The following NCOA2 variants were observed in gnomAD, a reference collection of about 807,000 sequenced individuals.
NCOA2 encodes the protein nuclear receptor coactivator 2.
NCOA2 carries 21 observed loss-of-function variants against 145.1 expected under a neutral mutation model. The ratio of observed to expected loss-of-function variants is 0.14; its 90% CI spans 0.10 to 0.21. NCOA2 has a LOEUF of 0.21. NCOA2 is among the 10% of genes least tolerant of loss of function. The probability of loss-of-function intolerance (pLI) is 1.00; values close to 1 mark genes in which losing one functional copy is unlikely to be tolerated. For missense variants in NCOA2, 1,472 were observed against 1,837.6 expected (o/e 0.80, Z 3.64); for synonymous variants, 619 against 637.5 (o/e 0.97, Z 0.44).
chr8:70,256,584 G>A (rs377039299), intron 2 of NCOA2, among the ~76,000 whole-genome samples: 367 of 152,160 alleles, frequency 2.4e-3, no homozygotes, highest in Middle Eastern at 0.017. Flanking sequence ...AAGCAATAAA[G>A]GCATACTATT....
chr8:70,170,093 C>G, intron 6 of NCOA2, 109 bp downstream of exon 6: 1 of 1,057,664 alleles, frequency 9.5e-7, no homozygotes, highest in South Asian at 1.6e-5. Context: ...TCCTCCCCAT[C>G]TGATATAATA....
chr8:70,327,148 C>T (rs1383140210), intron 1 of NCOA2, among the ~76,000 whole-genome samples: 1 of 152,158 alleles, frequency 6.6e-6, no homozygotes, highest in East Asian at 1.9e-4. Context: ...CATCACTTTC[C>T]TTAAAACATA....
At chr8:70,309,128 G>A (rs549492055) in intron 1 of NCOA2, among the ~76,000 whole-genome samples, 2 of 152,058 alleles carry the variant, frequency 1.3e-5, no homozygotes, top group East Asian at 3.9e-4. Context: ...ATGTGGAAAA[G>A]CCATATGAAA....
intron 2 of NCOA2, among the ~76,000 whole-genome samples, chr8:70,263,739 C>A (rs1434731493): frequency 2.0e-5 from 3 of 149,662 alleles, no homozygotes; most frequent in East Asian, 2.0e-4. Flanking sequence ...AAAAAAAAAA[C>A]AAACAAACAA....
chr8:70,223,077 C>T (rs1384154243), intron 2 of NCOA2, among the ~76,000 whole-genome samples: 1 of 152,154 alleles, frequency 6.6e-6, no homozygotes, highest in African/African-American at 2.4e-5. Flanking sequence ...AGCTGCATTC[C>T]TTGCATAACG....
In NCOA2 at chr8:70,128,886, T is replaced by A; in HGVS notation, c.3419A>T (p.Gln1140Leu). Residue 1140 changes from glutamine to leucine, a missense_variant, in exon 17 of 23, where the codon CAG (glutamine) becomes CTG (leucine). By Grantham distance (113) the Gln-to-Leu change is moderately radical. This residue lies in a region of NCOA2 where 953 missense variants were observed against 1,062.1 expected (regional missense o/e 0.90). Coordinates refer to ENST00000452400, the MANE Select transcript of NCOA2 (RefSeq NM_006540.4). ...ATAGCTACCCTGGGCCATTTGTGCC[T>A]GAGATGCATACTGCTGTGGGAAAAC... ...APVFPQQYAS[Q>L]AQMAQGSYSP... 1 of 1,613,822 alleles carries A rather than the reference T, an allele frequency of 6.2e-7. No homozygotes were observed. The highest frequency in any genetic ancestry group is 1.7e-5 in the Admixed American group (1 of 60,000).
intron 1 of NCOA2, among the ~76,000 whole-genome samples, chr8:70,373,834 G>A (rs1026861621): frequency 2.6e-5 from 4 of 152,126 alleles, no homozygotes; most frequent in African/African-American, 9.7e-5. Flanking sequence ...GGGTCTATTT[G>A]AGGGCTATAT....
intron 2 of NCOA2, among the ~76,000 whole-genome samples, chr8:70,296,067 T>G (rs1463021540): frequency 6.6e-6 from 1 of 152,240 alleles, no homozygotes; most frequent in Non-Finnish European, 1.5e-5. Context: ...CAAACGTTTA[T>G]TTAGTCTTTA....
At chr8:70,454,226 T>C in the NCOA2 span, among the ~76,000 whole-genome samples, 1 of 152,230 alleles carries the variant, frequency 6.6e-6, no homozygotes, top group African/African-American at 2.4e-5. Context: ...ATACTCTATA[T>C]TTAGCATCAA....
intron 4 of NCOA2, among the ~76,000 whole-genome samples, chr8:70,182,239 A>C (rs1815567308): frequency 6.6e-6 from 1 of 152,244 alleles, no homozygotes; most frequent in Non-Finnish European, 1.5e-5. Flanking sequence ...CTAAGCCGCA[A>C]GTTGCCTCCC....
chr8:70,139,955 A>G (rs1810193720), intron 14 of NCOA2, among the ~76,000 whole-genome samples: 1 of 152,058 alleles, frequency 6.6e-6, no homozygotes. Flanking sequence ...GCTCTTCCTC[A>G]TTGTGCAATA....
chr8:70,164,644 A>G (rs1163855591), intron 7 of NCOA2, among the ~76,000 whole-genome samples: 1 of 152,122 alleles, frequency 6.6e-6, no homozygotes, highest in Non-Finnish European at 1.5e-5. Context: ...CAGAAATTTT[A>G]GGATATAGTT....
rs559680322 is a variant in NCOA2 at position 70,321,793 on chromosome 8, CTTTTTTTTTTTTTTT to C, written c.-76-25008_-76-24994del. On this transcript the variant is annotated intron_variant, in intron 1 of 22. Coordinates refer to ENST00000452400, the MANE Select transcript of NCOA2 (RefSeq NM_006540.4). ...TGCTTTCCTAAGTTTCAGAATATACCTTTTTTTTTTTTTTTTTTTTTTTTTTTTGGTGAAACAGCC... is the reference window on the plus strand; with the variant it reads ...TGCTTTCCTAAGTTTCAGAATATACCTTTTTTTTTTTTTGGTGAAACAGCC... 1.1e-4 allele frequency among the ~76,000 whole-genome samples: 8 copies of C among 73,570 alleles called. No homozygotes were observed. The East Asian group carries it at 1.8e-3, about 17-fold the overall frequency. 48.3% of individuals were successfully genotyped at this position (73,570 alleles called of 152,430 possible).
At chr8:70,393,235 C>T (rs1813358136) in intron 1 of NCOA2, among the ~76,000 whole-genome samples, 1 of 152,180 alleles carries the variant, frequency 6.6e-6, no homozygotes, top group Non-Finnish European at 1.5e-5. Context: ...CCCAAATGCT[C>T]AGTCTGGTAA....
chr8:70,219,110 G>T (rs1416654536), intron 2 of NCOA2, among the ~76,000 whole-genome samples: 2 of 152,126 alleles, frequency 1.3e-5, no homozygotes, highest in Non-Finnish European at 2.9e-5. Context: ...ACATATGAGG[G>T]ACAGCACTGG....
rs775409052 is a variant in NCOA2 at position 70,156,578 on chromosome 8, G to A, written c.1787C>T (p.Thr596Ile). 8.1e-6 allele frequency: 13 copies of A among 1,613,908 alleles called. No homozygotes were observed. In the South Asian group the frequency reaches 1.4e-4, roughly 18 times the overall value. ...FGLYGEPSEG[T>I]TGQAESSCHP... ...GCAGCTGCTCTCTGCTTGTCCAGTT[G>A]TACCTTCAGAGGGCTCCCCATATAG... Residue 596 changes from threonine (T) to isoleucine (I), a missense_variant, in exon 11 of 23, where the codon ACA (threonine) becomes ATA (isoleucine). Physicochemically the swap from Thr to Ile is moderately conservative, Grantham distance 89. Around this residue, in one of 4 missense-constraint regions of NCOA2, gnomAD observed 953 missense variants for 1,062.1 expected, o/e 0.90. Transcript: ENST00000452400.
At chr8:70,158,743 C>T (rs1214848592) in intron 10 of NCOA2, among the ~76,000 whole-genome samples, 5 of 152,142 alleles carry the variant, frequency 3.3e-5, no homozygotes, top group Non-Finnish European at 5.9e-5. Flanking sequence ...CAGAGCAAGA[C>T]TCTGCCTCAA....
At chr8:70,326,291 T>C (rs1023701833) in intron 1 of NCOA2, among the ~76,000 whole-genome samples, 1 of 152,198 alleles carries the variant, frequency 6.6e-6, no homozygotes, top group Non-Finnish European at 1.5e-5. Flanking sequence ...ATAAAGTACA[T>C]ATGCTCTTAC....
chr8:70,269,005 C>T (rs1245315902), intron 2 of NCOA2, among the ~76,000 whole-genome samples: 1 of 151,846 alleles, frequency 6.6e-6, no homozygotes, highest in African/African-American at 2.4e-5. Flanking sequence ...AAAGTGGTTA[C>T]TAGAAAAAGC....
Sources: allele counts gnomAD v4.1 joint callset (sites outside exome capture counted in the v4.1 genomes callset), GRCh38; gene constraint gnomAD v4.1.1; regional missense constraint gnomAD v4.1.1; transcripts MANE v1.5; gene names NCBI Gene and HGNC (gene_info 2026-07-23, HGNC 2026-07-21).